The following KCNMA1 variants were observed in gnomAD, a reference collection of about 807,000 sequenced individuals.
KCNMA1 encodes Calcium-activated potassium channel subunit alpha-1.
Under a neutral mutation model 140.0 loss-of-function variants are expected in KCNMA1, and 29 were observed. The observed-to-expected ratio is 0.21, with a 90% CI of 0.15 to 0.28. The LOEUF (loss-of-function observed/expected upper bound fraction) is 0.28. KCNMA1 is among the 10% of genes least tolerant of loss of function. The pLI, the probability that KCNMA1 is intolerant of heterozygous loss-of-function variation, is 1.00. For synonymous variants in KCNMA1, 612 were observed against 611.9 expected (o/e 1.00, Z 0.00); for missense variants, 880 against 1,602.2 (o/e 0.55, Z 7.70).
chr10:77,000,857 A>AAT (rs56359933), intron 19 of KCNMA1, among the ~76,000 whole-genome samples: 620 of 36,484 alleles, frequency 0.017, 8 homozygotes, highest in Middle Eastern at 0.041. Flanking sequence ...GTAAAAAGAA[A>AAT]ATATATATAT....
intron 2 of KCNMA1, among the ~76,000 whole-genome samples, chr10:77,370,907 C>T (rs1319060565): frequency 6.6e-6 from 1 of 152,152 alleles, no homozygotes; most frequent in Non-Finnish European, 1.5e-5. Context: ...CACAAAATAC[C>T]TGATACACAG....
chr10:77,082,002 CTT>C (rs772878572), intron 12 of KCNMA1, among the ~76,000 whole-genome samples: 1 of 51,650 alleles, frequency 1.9e-5, no homozygotes, highest in South Asian at 6.5e-4. Context: ...TTCTTTTTTT[CTT>C]TTCTTTTTTT....
At chr10:77,048,817 G>C (rs2095234395) in intron 14 of KCNMA1, among the ~76,000 whole-genome samples, 1 of 152,162 alleles carries the variant, frequency 6.6e-6, no homozygotes, top group Non-Finnish European at 1.5e-5. Context: ...CTGGAGTGCA[G>C]TGGTGCAATC....
intron 18 of KCNMA1, among the ~76,000 whole-genome samples, chr10:77,006,888 G>GAATTGAAT (rs1399257039): frequency 6.6e-6 from 1 of 152,158 alleles, no homozygotes; most frequent in African/African-American, 2.4e-5. Context: ...TGGCAAGACT[G>GAATTGAAT]TGCATTGAAT....
chr10:77,206,654 G>T (rs1274629966), intron 3 of KCNMA1, among the ~76,000 whole-genome samples: 1 of 152,048 alleles, frequency 6.6e-6, no homozygotes. Flanking sequence ...ATCTCCACTG[G>T]AATGCAAGGC....
intron 1 of KCNMA1, among the ~76,000 whole-genome samples, chr10:77,623,622 G>A (rs1204669905): frequency 6.6e-6 from 1 of 151,544 alleles, no homozygotes; most frequent in Non-Finnish European, 1.5e-5. Context: ...AGAATTGCTT[G>A]AACCCAGGAG....
chr10:77,523,607 G>C (rs1358849104), intron 1 of KCNMA1, among the ~76,000 whole-genome samples: 1 of 152,244 alleles, frequency 6.6e-6, no homozygotes, highest in Non-Finnish European at 1.5e-5. Flanking sequence ...CTTATTTCAA[G>C]AAAGTGTAAA....
chr10:77,349,179 G>A (rs544363033), intron 2 of KCNMA1, among the ~76,000 whole-genome samples: 18 of 152,208 alleles, frequency 1.2e-4, no homozygotes, highest in African/African-American at 3.4e-4. Flanking sequence ...AGGTGATAAC[G>A]TCATGGAGAC....
chr10:77,028,247 G>A (rs1375262351), intron 15 of KCNMA1, among the ~76,000 whole-genome samples: 1 of 152,068 alleles, frequency 6.6e-6, no homozygotes, highest in Non-Finnish European at 1.5e-5. Context: ...GGAAAGATTT[G>A]GACCAGCTGG....
At chr10:77,635,987 G>A (rs1198597322) in intron 1 of KCNMA1, 2 of 177,708 alleles carry the variant, frequency 1.1e-5, no homozygotes, top group Non-Finnish European at 2.4e-5. Flanking sequence ...ACTTCTCTCA[G>A]CCGCCAAGGA....
At chr10:76,931,676 G>A (rs1163528585) in intron 23 of KCNMA1, among the ~76,000 whole-genome samples, 1 of 152,112 alleles carries the variant, frequency 6.6e-6, no homozygotes, top group Non-Finnish European at 1.5e-5. Flanking sequence ...TTTTCTGTCA[G>A]CGAGCTGTCC....
At chr10:76,951,804 C>T (rs2066354430) in intron 21 of KCNMA1, among the ~76,000 whole-genome samples, 2 of 152,112 alleles carry the variant, frequency 1.3e-5, no homozygotes, top group African/African-American at 4.8e-5. Flanking sequence ...TTATTAAGTA[C>T]TCATTTGTCT....
intron 2 of KCNMA1, among the ~76,000 whole-genome samples, chr10:77,399,055 G>A (rs1036612832): frequency 2.0e-5 from 3 of 152,120 alleles, no homozygotes; most frequent in East Asian, 1.9e-4. Context: ...GACACAGAGC[G>A]CAAACCTGAG....
intron 7 of KCNMA1, 80 bp downstream of exon 7, chr10:77,112,287 T>C: frequency 3.0e-6 from 3 of 1,008,142 alleles, no homozygotes; most frequent in Non-Finnish European, 4.7e-6. Context: ...TCCAGCAAGA[T>C]AAATTTTAGG....
intron 5 of KCNMA1, among the ~76,000 whole-genome samples, chr10:77,160,413 C>T (rs966137662): frequency 9.9e-5 from 15 of 152,196 alleles, no homozygotes; most frequent in African/African-American, 3.4e-4. Context: ...CCTATGGCTA[C>T]AGGCACATCT....
intron 1 of KCNMA1, among the ~76,000 whole-genome samples, chr10:77,541,168 C>T (rs890792822): frequency 6.7e-6 from 1 of 150,224 alleles, no homozygotes; most frequent in Non-Finnish European, 1.5e-5. Flanking sequence ...AAAAAACTCA[C>T]ATATTGTATC....
At chr10:77,010,229 C>T (rs1223016431) in intron 18 of KCNMA1, among the ~76,000 whole-genome samples, 1 of 152,146 alleles carries the variant, frequency 6.6e-6, no homozygotes, top group East Asian at 1.9e-4. Flanking sequence ...CTCTTATTTC[C>T]CTCAACCCTC....
rs556728315 is a variant in KCNMA1 at position 77,497,015 on chromosome 10, C to G, written c.379-92992G>C. On this transcript the variant is annotated intron_variant, in intron 1 of 27. Transcript: ENST00000286628. The stretch of plus-strand genomic sequence containing the variant: ...CTGCTGACCAGGCAAACAAAAGGAC[C>G]CAGGCGAACAAAAGGACCAGTGTTG... Among the ~76,000 whole-genome samples, 4 of 152,292 alleles carry G rather than the reference C, an allele frequency of 2.6e-5. No individual in the cohort carries two copies. In the South Asian group the frequency reaches 8.3e-4, roughly 32 times the overall value.
At chr10:77,628,923 G>A (rs2092862507) in intron 1 of KCNMA1, among the ~76,000 whole-genome samples, 1 of 152,204 alleles carries the variant, frequency 6.6e-6, no homozygotes, top group Non-Finnish European at 1.5e-5. Context: ...CTGGAATTCA[G>A]GCTTTCCTGT....
Sources: allele counts gnomAD v4.1 joint callset (sites outside exome capture counted in the v4.1 genomes callset), GRCh38; gene constraint gnomAD v4.1.1; transcripts MANE v1.5; gene names NCBI Gene and HGNC (gene_info 2026-07-23, HGNC 2026-07-21).